The following MACROD2 variants were observed in gnomAD, a reference collection of about 807,000 sequenced individuals.
MACROD2 encodes the protein mono-ADP ribosylhydrolase 2.
Under a neutral mutation model 70.4 loss-of-function variants are expected in MACROD2, and 36 were observed. The ratio of observed to expected loss-of-function variants is 0.51; its 90% confidence interval spans 0.39 to 0.68. The LOEUF (loss-of-function observed/expected upper bound fraction) is 0.68. MACROD2 is among the 30% of genes least tolerant of loss of function. The pLI, the probability that MACROD2 is intolerant of heterozygous loss-of-function variation, is 0.00. For missense variants in MACROD2, 496 were observed against 538.4 expected, an observed-to-expected ratio of 0.92 and a Z score of 0.78; for synonymous variants, 172 against 178.8, an observed-to-expected ratio of 0.96 and a Z score of 0.30.
Position 15,667,844 on chromosome 20 carries a change from G to A in MACROD2, c.645+167997G>A, listed in dbSNP as rs555365977. Among the ~76,000 whole-genome samples, 7 of 152,164 alleles carry A rather than the reference G, an allele frequency of 4.6e-5. No homozygotes were observed. The East Asian group carries it at 1.2e-3, about 25-fold the overall frequency. ...AAAGTACTATATTTTGAATTTTTCTGATTATTTTCTTAAAGAGCTGTATAA... is the reference window on the plus strand; with the variant it reads ...AAAGTACTATATTTTGAATTTTTCTAATTATTTTCTTAAAGAGCTGTATAA... On this transcript the variant is annotated intron_variant, in intron 8 of 17. Coordinates refer to ENST00000684519, the MANE Select transcript of MACROD2 (RefSeq NM_001351661.2).
At chr20:14,884,261 A>T (rs947225273) in intron 5 of MACROD2, 2 of 152,202 alleles carry the variant, frequency 1.3e-5, no homozygotes, top group African/African-American at 4.8e-5. Context: ...TATTGGCTTA[A>T]AACAATTGCA....
chr20:14,579,992 A>G (rs1248621516), intron 4 of MACROD2, among the ~76,000 whole-genome samples: 1 of 152,234 alleles, frequency 6.6e-6, no homozygotes, highest in African/African-American at 2.4e-5. Context: ...TTGGATGTAA[A>G]AAGACGGAAT....
At chr20:14,563,482 G>A (rs1295242217) in intron 4 of MACROD2, among the ~76,000 whole-genome samples, 3 of 151,924 alleles carry the variant, frequency 2.0e-5, no homozygotes, top group African/African-American at 4.8e-5. Flanking sequence ...TCTGGTGAGA[G>A]TGCAGAGAAA....
intron 3 of MACROD2, among the ~76,000 whole-genome samples, chr20:14,230,991 CT>C (rs897655362): frequency 8.6e-4 from 122 of 142,296 alleles, no homozygotes; most frequent in East Asian, 8.3e-4. Context: ...TGAAAGGAAT[CT>C]TTTTTTTTTT....
chr20:15,685,587 T>C (rs920701626), intron 8 of MACROD2, among the ~76,000 whole-genome samples: 27 of 152,194 alleles, frequency 1.8e-4, no homozygotes, highest in African/African-American at 6.3e-4. Flanking sequence ...GGAAGACTCA[T>C]CTCTCATCAC....
At chr20:14,217,491 T>G (rs2081633081) in intron 3 of MACROD2, among the ~76,000 whole-genome samples, 1 of 152,130 alleles carries the variant, frequency 6.6e-6, no homozygotes, top group African/African-American at 2.4e-5. Context: ...TGTCCTTTCC[T>G]GGTTTTGGTA....
At chr20:15,606,980 C>A (rs2048902558) in intron 8 of MACROD2, among the ~76,000 whole-genome samples, 1 of 134,412 alleles carries the variant, frequency 7.4e-6, no homozygotes. Flanking sequence ...CCAGCCTGGG[C>A]AACGAGAGCA....
chr20:14,306,036 A>G (rs1047885499), intron 3 of MACROD2, among the ~76,000 whole-genome samples: 17 of 151,178 alleles, frequency 1.1e-4, no homozygotes, highest in African/African-American at 4.1e-4. Context: ...AAATCCTCTC[A>G]TTTGTCTTAT....
At chr20:15,948,255 G>C (rs1024403993) in intron 12 of MACROD2, among the ~76,000 whole-genome samples, 3 of 151,818 alleles carry the variant, frequency 2.0e-5, no homozygotes, top group African/African-American at 7.3e-5. Context: ...TAAAGAAATA[G>C]ACAATCATCT....
intron 3 of MACROD2, among the ~76,000 whole-genome samples, chr20:14,387,986 T>G (rs2083486250): frequency 6.6e-6 from 1 of 151,230 alleles, no homozygotes. Context: ...TTTCTACTTT[T>G]TTTTATAGGT....
rs1390203115 is a variant in MACROD2, at chr20:14,501,645, C to T, written c.301+8137C>T. On this transcript the variant is annotated intron_variant, in intron 4 of 17. Coordinates refer to ENST00000684519, the MANE Select transcript of MACROD2 (RefSeq NM_001351661.2). ...ATATTTGTATGTTTCATAATTAACT[C>T]TTTTTAAAAAAATAGAGGTTTAGTC... 3.3e-5 allele frequency among the ~76,000 whole-genome samples: 5 copies of T among 151,858 alleles called. No individual in the cohort carries two copies. In the East Asian group the frequency reaches 9.7e-4, roughly 29 times the overall value.
intron 3 of MACROD2, among the ~76,000 whole-genome samples, chr20:14,197,182 C>T (rs554950181): frequency 1.4e-4 from 21 of 152,250 alleles, no homozygotes; most frequent in African/African-American, 4.8e-4. Flanking sequence ...GGACATTTAC[C>T]ATCTTTATTA....
At chr20:14,792,207 T>C (rs796158992) in intron 5 of MACROD2, among the ~76,000 whole-genome samples, 82 of 152,258 alleles carry the variant, frequency 5.4e-4, no homozygotes, top group African/African-American at 1.7e-3. Flanking sequence ...CATTAGAACA[T>C]TGGATTAGCA....
intron 3 of MACROD2, among the ~76,000 whole-genome samples, chr20:14,296,677 A>T (rs2082430174): frequency 6.6e-6 from 1 of 152,006 alleles, no homozygotes; most frequent in Admixed American, 6.5e-5. Flanking sequence ...AAAAATGGGG[A>T]TTGGAATTAC....
At chr20:14,936,195 G>T (rs750099372) in intron 5 of MACROD2, among the ~76,000 whole-genome samples, 20 of 152,256 alleles carry the variant, frequency 1.3e-4, no homozygotes, top group Middle Eastern at 3.4e-3. Context: ...CCTCTCGAAG[G>T]GTAACATAGG....
chr20:15,406,099 T>TTCACTGCC (rs1283424357), intron 6 of MACROD2, among the ~76,000 whole-genome samples: 1 of 152,156 alleles, frequency 6.6e-6, no homozygotes, highest in East Asian at 1.9e-4. Context: ...GACAGGTCCT[T>TTCACTGCC]TCACTGCCAC....
At chr20:14,239,875 A>G (rs2081913727) in intron 3 of MACROD2, among the ~76,000 whole-genome samples, 1 of 152,226 alleles carries the variant, frequency 6.6e-6, no homozygotes, top group South Asian at 2.1e-4. Context: ...AAAAGAAACT[A>G]TTAGCACAGT....
At chr20:15,008,103 T>C (rs1187515931) in intron 5 of MACROD2, among the ~76,000 whole-genome samples, 2 of 152,214 alleles carry the variant, frequency 1.3e-5, no homozygotes, top group African/African-American at 4.8e-5. Flanking sequence ...TGAATTAACG[T>C]GCTATTAGTT....
At chr20:14,268,315 A>G (rs1324319217) in intron 3 of MACROD2, among the ~76,000 whole-genome samples, 1 of 152,146 alleles carries the variant, frequency 6.6e-6, no homozygotes, top group Non-Finnish European at 1.5e-5. Context: ...AGTTGTGTCA[A>G]AAATGTTATT....
Sources: allele counts gnomAD v4.1 joint callset (sites outside exome capture counted in the v4.1 genomes callset), GRCh38; gene constraint gnomAD v4.1.1; transcripts MANE v1.5; gene names NCBI Gene and HGNC (gene_info 2026-07-23, HGNC 2026-07-21).